IL17RD: variants seen among roughly 807,000 people sequenced by gnomAD.
The protein encoded by IL17RD is interleukin 17 receptor D.
IL17RD carries 52 observed loss-of-function variants against 80.5 expected under a neutral mutation model. That is an observed-to-expected ratio of 0.65 (90% confidence interval 0.52 to 0.81). The LOEUF (loss-of-function observed/expected upper bound fraction) is 0.81, where lower values mean the gene tolerates loss of function less well. Ranked by LOEUF, IL17RD falls within the 40% of genes least tolerant of loss-of-function variation. The pLI is 0.00. For synonymous variants in IL17RD, 416 were observed against 391.8 expected (o/e 1.06, Z -0.73); for missense variants, 1,024 against 955.1 (o/e 1.07, Z -0.95).
chr3:57,170,247 G>A (rs1346621383), upstream of IL17RD: 1 of 152,220 alleles, frequency 6.6e-6, no homozygotes, highest in Non-Finnish European at 1.5e-5. Flanking sequence ...GCCACTACAC[G>A]GAATTCACCG....
chr3:57,153,643 A>G (rs1289763792), intron 1 of IL17RD, among the ~76,000 whole-genome samples: 5 of 152,238 alleles, frequency 3.3e-5, no homozygotes, highest in Non-Finnish European at 7.3e-5. Flanking sequence ...GTAACTTTAG[A>G]CAAAGGGGAA....
At chr3:57,154,283 T>TATATATATATACACACACACACACAC (rs904157398) in intron 1 of IL17RD, among the ~76,000 whole-genome samples, 1 of 112,908 alleles carries the variant, frequency 8.9e-6, no homozygotes, top group African/African-American at 3.2e-5. Context: ...TATATATATA[T>TATATATATATACACACACACACACAC]ACACACACAC....
At chr3:57,153,550 C>T (rs1172786716) in intron 1 of IL17RD, among the ~76,000 whole-genome samples, 1 of 152,190 alleles carries the variant, frequency 6.6e-6, no homozygotes, top group Non-Finnish European at 1.5e-5. Flanking sequence ...CCCTTCTCTG[C>T]CCCCTAGAAT....
intron 3 of IL17RD, among the ~76,000 whole-genome samples, chr3:57,111,293 A>G (rs1328426276): frequency 6.6e-6 from 1 of 152,284 alleles, no homozygotes; most frequent in Non-Finnish European, 1.5e-5. Context: ...CTCCAATCCT[A>G]TAATTATTTG....
intron 1 of IL17RD, among the ~76,000 whole-genome samples, chr3:57,128,282 G>A (rs1017171069): frequency 5.3e-5 from 8 of 152,110 alleles, no homozygotes; most frequent in East Asian, 1.9e-4. Context: ...AGATTTGCTC[G>A]GGGAAGTAGG....
At chr3:57,144,689 C>A (rs1707892310) in intron 1 of IL17RD, among the ~76,000 whole-genome samples, 1 of 150,042 alleles carries the variant, frequency 6.7e-6, no homozygotes, top group African/African-American at 2.5e-5. Flanking sequence ...TAAAACAATG[C>A]CACGTCAACC....
At position 57,095,120 on chromosome 3, in the gene IL17RD, C is replaced by T. The variant is rs950237269; in HGVS notation, c.*1273G>A. 4 of 152,202 alleles carry T rather than the reference C, an allele frequency of 2.6e-5. No individual in the cohort carries two copies. The highest frequency in any genetic ancestry group is 7.2e-5 in the African/African-American group (3 of 41,406). The allele number at this position is 152,202 out of a possible 1,614,324, so 9.4% of individuals were successfully genotyped here. ...TGACGAAGAAGTGAAAACCACATTC[C>T]CTGGGCTGAATGCTGAGAAAACGGG... On this transcript the variant is annotated 3_prime_UTR_variant, in exon 13 of 13. Transcript: ENST00000296318.
chr3:57,147,909 T>C (rs193116149), intron 1 of IL17RD, among the ~76,000 whole-genome samples: 1 of 152,322 alleles, frequency 6.6e-6, no homozygotes, highest in East Asian at 1.9e-4. Context: ...TCATTTTTCT[T>C]ATAAGGTTGA....
chr3:57,143,445 G>A (rs554859281), intron 1 of IL17RD, among the ~76,000 whole-genome samples: 1 of 152,320 alleles, frequency 6.6e-6, no homozygotes, highest in African/African-American at 2.4e-5. Context: ...AGTCCTGAAG[G>A]TGCCCTGCTA....
chr3:57,151,794 G>T (rs1408922704), intron 1 of IL17RD, among the ~76,000 whole-genome samples: 1 of 152,082 alleles, frequency 6.6e-6, no homozygotes, highest in African/African-American at 2.4e-5. Flanking sequence ...CCAAATCAAG[G>T]TTAAGGCTGC....
chr3:57,090,775 T>C lies in IL17RD; in HGVS notation c.*5618A>G, dbSNP rs1706537196. ...CAATGGCAATTTTTTGTCTAACAAT[T>C]GGAGCAGCTAATTTTGTCTACATCA... is the stretch of plus-strand genomic sequence containing the variant. On this transcript the variant is annotated 3_prime_UTR_variant, in exon 13 of 13. Coordinates refer to ENST00000296318, the MANE Select transcript of IL17RD (RefSeq NM_017563.5). The C allele has an allele frequency of 6.6e-6, 1 of 152,242 alleles. No homozygotes were observed. 9.4% of individuals were successfully genotyped at this position (152,242 alleles called of 1,614,324 possible). A position where few individuals can be genotyped will look rare whatever the true frequency, so the allele number is the denominator to read the frequency against.
chr3:57,096,211 G>A lies in IL17RD; in HGVS notation c.*182C>T. Reference sequence around the variant, plus strand: ...CTCCATATCATTTTAGAAAATTGGAGAGTTTGTCAAGATATCCGGTAAAGG... The same window carrying A: ...CTCCATATCATTTTAGAAAATTGGAAAGTTTGTCAAGATATCCGGTAAAGG... On this transcript the variant is annotated 3_prime_UTR_variant, in exon 13 of 13. Transcript: ENST00000296318. The A allele has an allele frequency of 1.7e-6, 1 of 586,852 alleles. No individual in the cohort carries two copies. The highest frequency in any genetic ancestry group is 3.1e-6 in the Non-Finnish European group (1 of 322,478). 36.4% of individuals were successfully genotyped at this position (586,852 alleles called of 1,614,324 possible). A position where few individuals can be genotyped will look rare whatever the true frequency, so the allele number is the denominator to read the frequency against.
At chr3:57,136,284 G>A (rs1707723283) in intron 1 of IL17RD, among the ~76,000 whole-genome samples, 1 of 152,132 alleles carries the variant, frequency 6.6e-6, no homozygotes. Flanking sequence ...TTTGTGATTA[G>A]AATCACAACA....
At chr3:57,111,520 C>T (rs1302579080) in intron 3 of IL17RD, among the ~76,000 whole-genome samples, 1 of 152,062 alleles carries the variant, frequency 6.6e-6, no homozygotes, top group East Asian at 1.9e-4. Context: ...TTTTAGATCT[C>T]GCAGGACTTG....
At chr3:57,161,073 T>C (rs1001621389) in intron 1 of IL17RD, among the ~76,000 whole-genome samples, 1 of 152,160 alleles carries the variant, frequency 6.6e-6, no homozygotes, top group African/African-American at 2.4e-5. Context: ...TCAAGAAAGA[T>C]GGACATGGGC....
chr3:57,102,474 G>C lies in IL17RD; in HGVS notation c.979+5C>G, dbSNP rs1706855421. The C allele has an allele frequency of 1.3e-6, 2 of 1,504,988 alleles. No individual in the cohort carries two copies. The highest frequency in any genetic ancestry group is 1.4e-5 in the African/African-American group (1 of 72,830). 93.2% of individuals were successfully genotyped at this position (1,504,988 alleles called of 1,614,324 possible). ...TGTGGGGAGACACAGCACACAAAGA[G>C]ATACCTTGTTGCTTCTTGCGGCACA... On this transcript the variant is annotated splice_donor_5th_base_variant and intron_variant, in intron 10 of 12. Coordinates refer to ENST00000296318, the MANE Select transcript of IL17RD (RefSeq NM_017563.5).
chr3:57,158,795 T>G (rs983994135), intron 1 of IL17RD, among the ~76,000 whole-genome samples: 3 of 152,232 alleles, frequency 2.0e-5, no homozygotes, highest in Admixed American at 6.5e-5. Context: ...TGTTCAATTT[T>G]TAGTTTCCTG....
intron 6 of IL17RD, 47 bp from the exon 7 acceptor site, chr3:57,106,055 C>T (rs1008689658): frequency 1.2e-6 from 2 of 1,612,512 alleles, no homozygotes; most frequent in African/African-American, 2.7e-5. Flanking sequence ...GCTACCCTAA[C>T]ACCATCATAG....
chr3:57,165,485 G>T, upstream of IL17RD: 1 of 268,176 alleles, frequency 3.7e-6, no homozygotes, highest in Non-Finnish European at 6.0e-6. Context: ...CTCCAGTTGT[G>T]GCCCTGCCCC....
Sources: allele counts gnomAD v4.1 joint callset (sites outside exome capture counted in the v4.1 genomes callset), GRCh38; gene constraint gnomAD v4.1.1; transcripts MANE v1.5; gene names NCBI Gene and HGNC (gene_info 2026-07-23, HGNC 2026-07-21).